Variants in AGBL4 observed in about 807,000 individuals in gnomAD.
AGBL4 encodes cytosolic carboxypeptidase 6.
AGBL4 carries 58 observed loss-of-function variants against 66.4 expected under a neutral mutation model. The observed-to-expected ratio is 0.87, with a 90% CI of 0.71 to 1.09. AGBL4 has a LOEUF of 1.09. AGBL4 is among the 50% of genes least tolerant of loss of function. The pLI is 0.00. For synonymous variants in AGBL4, 234 were observed against 222.9 expected (o/e 1.05, Z -0.44); for missense variants, 579 against 631.0 (o/e 0.92, Z 0.88).
chr1:48,906,011 C>T, intron 5 of AGBL4, among the ~76,000 whole-genome samples: 1 of 152,116 alleles, frequency 6.6e-6, no homozygotes, highest in East Asian at 1.9e-4. Flanking sequence ...CAGACAATAA[C>T]TAAAATGAGT....
chr1:49,294,207 G>T (rs1644597860), intron 3 of AGBL4, among the ~76,000 whole-genome samples: 1 of 152,162 alleles, frequency 6.6e-6, no homozygotes, highest in Non-Finnish European at 1.5e-5. Flanking sequence ...TTAATGGTAT[G>T]TAACTCCCAA....
intron 11 of AGBL4, among the ~76,000 whole-genome samples, chr1:48,576,379 T>C (rs1644653911): frequency 6.6e-6 from 1 of 152,184 alleles, no homozygotes; most frequent in South Asian, 2.1e-4. Flanking sequence ...ATGAAATCGG[T>C]CCCTGGTGCC....
intron 2 of AGBL4, chr1:49,844,925 G>C (rs1448013134): frequency 7.3e-7 from 1 of 1,365,382 alleles, no homozygotes; most frequent in African/African-American, 1.4e-5. Context: ...CAGAGGAATG[G>C]GTTTGGGGAA....
chr1:48,926,148 T>C (rs1016000920), intron 5 of AGBL4, among the ~76,000 whole-genome samples: 1 of 152,204 alleles, frequency 6.6e-6, no homozygotes, highest in Non-Finnish European at 1.5e-5. Flanking sequence ...AAACATTATA[T>C]GCAGAAGAAG....
chr1:49,383,902 T>G (rs1644678335), intron 3 of AGBL4, among the ~76,000 whole-genome samples: 1 of 152,002 alleles, frequency 6.6e-6, no homozygotes, highest in African/African-American at 2.4e-5. Context: ...ATTCAGGCGA[T>G]TCCCCTGCCT....
intron 6 of AGBL4, among the ~76,000 whole-genome samples, chr1:48,753,798 A>G (rs1032071967): frequency 1.3e-5 from 2 of 152,230 alleles, no homozygotes; most frequent in African/African-American, 4.8e-5. Context: ...AAAACCTGTA[A>G]AATGCCATGC....
At chr1:48,836,390 A>C (rs1025113564) in intron 6 of AGBL4, among the ~76,000 whole-genome samples, 1 of 151,748 alleles carries the variant, frequency 6.6e-6, no homozygotes, top group African/African-American at 2.4e-5. Flanking sequence ...TGGTTCAATA[A>C]TTTTGTGATC....
chr1:48,801,398 A>G (rs905663425), intron 6 of AGBL4, among the ~76,000 whole-genome samples: 18 of 152,142 alleles, frequency 1.2e-4, no homozygotes, highest in Non-Finnish European at 1.5e-4. Flanking sequence ...ATTATTACAA[A>G]GTTTAGTTGG....
intron 4 of AGBL4, among the ~76,000 whole-genome samples, chr1:49,067,958 C>A (rs1203677763): frequency 6.7e-6 from 1 of 148,986 alleles, no homozygotes; most frequent in East Asian, 2.1e-4. Flanking sequence ...ACCCTGTGTA[C>A]AAGTGATCTA....
intron 4 of AGBL4, among the ~76,000 whole-genome samples, chr1:49,100,906 A>G (rs1385667890): frequency 6.6e-6 from 1 of 152,186 alleles, no homozygotes; most frequent in African/African-American, 2.4e-5. Flanking sequence ...TGCTGCAGAT[A>G]AGGATGCTGA....
At chr1:49,914,396 CT>C (rs1367118547) in intron 1 of AGBL4, among the ~76,000 whole-genome samples, 1 of 152,198 alleles carries the variant, frequency 6.6e-6, no homozygotes, top group Admixed American at 6.5e-5. Flanking sequence ...TGAGGATGGT[CT>C]TTACTCCAGT....
At chr1:49,184,090 G>GA (rs1460840675) in intron 4 of AGBL4, among the ~76,000 whole-genome samples, 1 of 151,968 alleles carries the variant, frequency 6.6e-6, no homozygotes, top group East Asian at 1.9e-4. Context: ...AATAAAAGAA[G>GA]AAAAAAACTA....
intron 5 of AGBL4, among the ~76,000 whole-genome samples, chr1:48,990,935 A>G (rs1223876605): frequency 6.6e-6 from 1 of 152,096 alleles, no homozygotes; most frequent in Non-Finnish European, 1.5e-5. Context: ...ATGTCTTGAA[A>G]AGTTGTAGTT....
chr1:48,563,633 CAGAA>C (rs781135542), intron 11 of AGBL4, among the ~76,000 whole-genome samples: 5 of 141,770 alleles, frequency 3.5e-5, no homozygotes, highest in Non-Finnish European at 4.6e-5. Flanking sequence ...GAAAAACAAA[CAGAA>C]AGGGTGACTT....
At chr1:48,789,296 T>A (rs112845564) in intron 6 of AGBL4, among the ~76,000 whole-genome samples, 5,624 of 25,300 alleles carry the variant, frequency 0.22, 133 homozygotes, top group Non-Finnish European at 0.39. Flanking sequence ...ATATATATAT[T>A]TTTTTTTTTT....
intron 6 of AGBL4, among the ~76,000 whole-genome samples, chr1:48,829,378 G>A (rs1358677926): frequency 6.6e-6 from 1 of 152,208 alleles, no homozygotes; most frequent in Non-Finnish European, 1.5e-5. Flanking sequence ...GAGCAGTCTT[G>A]TCTGCCTGGT....
intron 6 of AGBL4, among the ~76,000 whole-genome samples, chr1:48,756,847 T>A (rs576162301): frequency 5.9e-5 from 9 of 152,152 alleles, no homozygotes; most frequent in Admixed American, 5.9e-4. Context: ...GGGGCTCCAG[T>A]TGATTTATGT....
intron 3 of AGBL4, among the ~76,000 whole-genome samples, chr1:49,614,609 T>C (rs1186250074): frequency 1.3e-5 from 2 of 152,160 alleles, no homozygotes; most frequent in African/African-American, 4.8e-5. Context: ...TTCCCTCTAG[T>C]AGTACTTTTA....
chr1:48,970,255 C>G (rs1320872798), intron 5 of AGBL4, among the ~76,000 whole-genome samples: 1 of 152,190 alleles, frequency 6.6e-6, no homozygotes, highest in South Asian at 2.1e-4. Context: ...GCAGCCCTGC[C>G]GAGTTGATTC....
Sources: gnomAD v4.1 joint callset for allele counts (sites outside exome capture counted in the v4.1 genomes callset) on GRCh38, gnomAD v4.1.1 for gene constraint, MANE v1.5 for transcripts, NCBI Gene and HGNC (gene_info 2026-07-23, HGNC 2026-07-21) for gene names.